Variants in ALDH1A1 observed in about 807,000 individuals in gnomAD.
The protein encoded by ALDH1A1 is aldehyde dehydrogenase 1 family member A1, also known as aldehyde dehydrogenase 1A1.
A neutral mutation model predicts 62.1 loss-of-function variants in ALDH1A1; 19 were observed. The ratio of observed to expected loss-of-function variants is 0.31; its 90% CI spans 0.21 to 0.45. The LOEUF (loss-of-function observed/expected upper bound fraction) is 0.45. ALDH1A1 is among the 20% of genes least tolerant of loss of function. The pLI, the probability that ALDH1A1 is intolerant of heterozygous loss-of-function variation, is 1.00. For synonymous variants in ALDH1A1, 231 were observed against 215.9 expected, an observed-to-expected ratio of 1.07 and a Z score of -0.61; for missense variants, 521 against 607.1, an observed-to-expected ratio of 0.86 and a Z score of 1.49.
At chr9:72,942,107 A>T (rs1830421841) in intron 1 of ALDH1A1, among the ~76,000 whole-genome samples, 1 of 152,176 alleles carries the variant, frequency 6.6e-6, no homozygotes, top group African/African-American at 2.4e-5. Context: ...TCTTAGATCA[A>T]CTTGAGGAAA....
intron 2 of ALDH1A1, among the ~76,000 whole-genome samples, chr9:72,931,453 G>C (rs2118547345): frequency 6.6e-6 from 1 of 152,314 alleles, no homozygotes. Context: ...AAAAGTGGCT[G>C]AACTGAGTTT....
intron 11 of ALDH1A1, among the ~76,000 whole-genome samples, chr9:72,908,567 GAAAGAAAGAAAGAAAGAAAGA>G (rs1564622619): frequency 3.0e-4 from 13 of 43,230 alleles, no homozygotes; most frequent in Admixed American, 8.6e-4. Context: ...AAGAAAGAAA[GAAAGAAAGAAAGAAAGAAAGA>G]AAGAAAGAAA....
chr9:72,935,360 G>C (rs758332955), intron 2 of ALDH1A1, among the ~76,000 whole-genome samples: 7 of 151,962 alleles, frequency 4.6e-5, no homozygotes, highest in Non-Finnish European at 1.0e-4. Flanking sequence ...TTTGAAGTAA[G>C]GGCCACAAGC....
At chr9:72,909,794 G>C in intron 10 of ALDH1A1, 35 bp from the exon 11 acceptor site, 1 of 1,518,102 alleles carries the variant, frequency 6.6e-7, no homozygotes, top group Non-Finnish European at 9.0e-7. Flanking sequence ...AAAAATAATA[G>C]GTTAAAATGA....
chr9:72,911,083 T>G (rs1010920202), intron 10 of ALDH1A1, among the ~76,000 whole-genome samples: 1 of 152,182 alleles, frequency 6.6e-6, no homozygotes, highest in Non-Finnish European at 1.5e-5. Context: ...TCTAATTTTG[T>G]ATATTGTAGT....
intron 9 of ALDH1A1, among the ~76,000 whole-genome samples, chr9:72,915,444 T>A (rs1830049945): frequency 1.5e-5 from 2 of 129,978 alleles, no homozygotes; most frequent in Admixed American, 1.6e-4. Context: ...GTTAGATAGA[T>A]AAATAATCAC....
Position 72,947,567 on chromosome 9 carries a change from G to T in ALDH1A1, c.66+5368C>A, listed in dbSNP as rs8187880. Among the ~76,000 whole-genome samples the T allele has an allele frequency of 9.4e-3, 1,429 of 151,994 alleles. 8 individuals are homozygous for T. The highest frequency in any genetic ancestry group is 0.02 in the Middle Eastern group (6 of 294). On this transcript the variant is annotated intron_variant, in intron 1 of 12. Coordinates refer to ENST00000297785, the MANE Select transcript of ALDH1A1 (RefSeq NM_000689.5). Reference sequence around the variant, plus strand: ...AGTTGTTAGAGCTAATTGGGAAAGGGGGATAATACCCTCTTCTCTTAGGAT... The same window carrying T: ...AGTTGTTAGAGCTAATTGGGAAAGGTGGATAATACCCTCTTCTCTTAGGAT...
intron 6 of ALDH1A1, among the ~76,000 whole-genome samples, chr9:72,924,955 C>T (rs1435147876): frequency 1.3e-5 from 2 of 152,020 alleles, no homozygotes; most frequent in Non-Finnish European, 2.9e-5. Context: ...TGTTTTTGAA[C>T]AGGAAGATAA....
intron 11 of ALDH1A1, among the ~76,000 whole-genome samples, chr9:72,908,621 AAGAAAG>A (rs1429149420): frequency 4.1e-4 from 49 of 118,226 alleles, no homozygotes; most frequent in African/African-American, 1.2e-3. Flanking sequence ...GAAAGAAAGA[AAGAAAG>A]AGAATATTGC....
At chr9:72,906,096 C>T in intron 11 of ALDH1A1, 64 bp from the exon 12 acceptor site, 2 of 1,303,482 alleles carry the variant, frequency 1.5e-6, no homozygotes, top group Non-Finnish European at 1.1e-6. Flanking sequence ...TCCTTTTTGG[C>T]AGTTTTAGAA....
At chr9:72,946,100 G>T (rs1830470519) in intron 1 of ALDH1A1, among the ~76,000 whole-genome samples, 1 of 151,946 alleles carries the variant, frequency 6.6e-6, no homozygotes, top group Non-Finnish European at 1.5e-5. Context: ...AAACTTGTCA[G>T]CAACTTCTGT....
chr9:72,938,516 G>A (rs555833151), intron 2 of ALDH1A1, among the ~76,000 whole-genome samples: 5 of 152,050 alleles, frequency 3.3e-5, no homozygotes, highest in Admixed American at 6.6e-5. Flanking sequence ...ATGCGATCTC[G>A]GCTCACTGCA....
chr9:72,940,248 A>G lies in ALDH1A1; in HGVS notation c.71T>C (p.Phe24Ser). The G allele has an allele frequency of 1.2e-6, 2 of 1,612,242 alleles. No individual in the cohort carries two copies. Among genetic ancestry groups the G allele is most frequent in the Non-Finnish European group, 1.7e-6 (2 of 1,178,574 alleles). The stretch of plus-strand genomic sequence containing the variant: ...TGAATCATGCCATTCATTGTTTATG[A>G]AGATCTGTAGAGATGAAGAGAAAAT... The part of the protein sequence containing the change: ...TDLKIQYTKI[F>S]INNEWHDSVS... Residue 24 changes from phenylalanine (F) to serine (S), a missense_variant, in exon 2 of 13, where the codon TTC (phenylalanine) becomes TCC (serine). Phe to Ser is a radical substitution (Grantham distance 155). Coordinates refer to ENST00000297785, the MANE Select transcript of ALDH1A1 (RefSeq NM_000689.5).
At chr9:72,923,979 G>A in intron 7 of ALDH1A1, 40 bp downstream of exon 7, 1 of 1,363,068 alleles carries the variant, frequency 7.3e-7, no homozygotes. Flanking sequence ...AGCTGGCAAT[G>A]CAGACATTCT....
intron 12 of ALDH1A1, among the ~76,000 whole-genome samples, chr9:72,901,841 C>A (rs1469419610): frequency 6.6e-6 from 1 of 152,052 alleles, no homozygotes; most frequent in African/African-American, 2.4e-5. Context: ...AGAAATTGAT[C>A]ATGGTTTCAT....
chr9:72,912,223 C>T, intron 9 of ALDH1A1, 101 bp from the exon 10 acceptor site: 1 of 885,036 alleles, frequency 1.1e-6, no homozygotes, highest in Non-Finnish European at 1.7e-6. Context: ...TAAAATATTG[C>T]AATTAAACCA....
At chr9:72,947,159 G>A (rs1224750058) in intron 1 of ALDH1A1, among the ~76,000 whole-genome samples, 2 of 151,918 alleles carry the variant, frequency 1.3e-5, no homozygotes, top group Non-Finnish European at 2.9e-5. Flanking sequence ...CCTCAGAGAT[G>A]AGCATTCTAA....
Position 72,928,877 on chromosome 9 carries a change from C to T in ALDH1A1, c.442+15G>A, listed in dbSNP as rs371005898. ...CTCCTATCCTCACCATTAGTGGTTT[C>T]TCAAAGATACTTACCAATTGGTATT... is the stretch of plus-strand genomic sequence containing the variant. On this transcript the variant is annotated intron_variant, in intron 4 of 12. Transcript: ENST00000297785. 4 of 1,612,214 alleles carry T rather than the reference C, an allele frequency of 2.5e-6. No homozygotes were observed. Among genetic ancestry groups the T allele is most frequent in the Non-Finnish European group, 3.4e-6 (4 of 1,179,316 alleles).
intron 11 of ALDH1A1, among the ~76,000 whole-genome samples, chr9:72,908,601 AAGAAAGAAAG>A (rs1232373400): frequency 1.0e-4 from 15 of 144,592 alleles, no homozygotes; most frequent in Non-Finnish European, 1.7e-4. Flanking sequence ...GAAAGAAAGA[AAGAAAGAAAG>A]AAAGAAAGAA....
Sources: allele counts gnomAD v4.1 joint callset (sites outside exome capture counted in the v4.1 genomes callset), GRCh38; gene constraint gnomAD v4.1.1; transcripts MANE v1.5; gene names NCBI Gene and HGNC (gene_info 2026-07-23, HGNC 2026-07-21).